The following RAB15 variants were observed in gnomAD, a reference collection of about 807,000 sequenced individuals.
RAB15 encodes ras-related protein Rab-15.
In RAB15, 13 loss-of-function variants were observed where a neutral mutation model predicts 31.8. The ratio of observed to expected loss-of-function variants is 0.41; its 90% confidence interval spans 0.27 to 0.65. RAB15 has a LOEUF of 0.65. Ranked by LOEUF, RAB15 falls within the 30% of genes least tolerant of loss-of-function variation. RAB15 has a pLI of 0.32. For synonymous variants in RAB15, 100 were observed against 105.6 expected (o/e 0.95, Z 0.33); for missense variants, 220 against 277.3 (o/e 0.79, Z 1.47).
chr14:64,947,132 C>T lies in RAB15; in HGVS notation c.*1222G>A, dbSNP rs1308319004. 4 of 152,590 alleles carry T rather than the reference C, an allele frequency of 2.6e-5. No homozygotes were observed. Among genetic ancestry groups the T allele is most frequent in the Non-Finnish European group, 5.9e-5 (4 of 68,056 alleles). 9.5% of individuals were successfully genotyped at this position (152,590 alleles called of 1,614,324 possible). A position where few individuals can be genotyped will look rare whatever the true frequency, so the allele number is the denominator to read the frequency against. Reference sequence around the variant, plus strand: ...TGCCCTTCTCCCATAAACTTTGGGTCCCAGGAGAACCTTGGTTGCTGAAGG... The same window carrying T: ...TGCCCTTCTCCCATAAACTTTGGGTTCCAGGAGAACCTTGGTTGCTGAAGG... On this transcript the variant is annotated 3_prime_UTR_variant, in exon 7 of 7. Coordinates refer to ENST00000533601, the MANE Select transcript of RAB15 (RefSeq NM_001308154.2). This position sits in a 1 kb window ranked among gnomAD's most constrained non-coding sequence, Gnocchi z 5.6.
chr14:64,960,233 G>A (rs1225114428), intron 1 of RAB15, among the ~76,000 whole-genome samples: 1 of 152,214 alleles, frequency 6.6e-6, no homozygotes, highest in Non-Finnish European at 1.5e-5. Context: ...GAGACACCCA[G>A]CACTCACGTG....
rs140347723 is a variant in RAB15, at chr14:64,954,884, G to A, written c.125-2313C>T. 9.9e-5 allele frequency among the ~76,000 whole-genome samples: 15 copies of A among 152,176 alleles called. No homozygotes were observed. The highest frequency in any genetic ancestry group is 2.1e-4 in the Non-Finnish European group (14 of 68,038). ...TAGGAGAGGAACTTCCAATATTAAGGTGAATTTTTCCCTGTGAGAGAAGAG... is the reference window on the plus strand; with the variant it reads ...TAGGAGAGGAACTTCCAATATTAAGATGAATTTTTCCCTGTGAGAGAAGAG... On this transcript the variant is annotated intron_variant, in intron 1 of 6. Coordinates refer to ENST00000533601, the MANE Select transcript of RAB15 (RefSeq NM_001308154.2). The surrounding 1 kb of genome is among the most constrained non-coding windows in gnomAD (Gnocchi z 4.3).
chr14:64,960,771 G>A (rs1213182681), intron 1 of RAB15, among the ~76,000 whole-genome samples: 1 of 152,188 alleles, frequency 6.6e-6, no homozygotes, highest in African/African-American at 2.4e-5. Flanking sequence ...TGTAGAAGGA[G>A]GCTTATGTTG....
In RAB15 at chr14:64,951,172, G is replaced by C; in HGVS notation, c.247-21C>G. The stretch of plus-strand genomic sequence containing the variant: ...ATCCCCTGAGAGAGAGAGAAATAGA[G>C]AGATGTGATATGCACAGAGAGAGTG... On this transcript the variant is annotated intron_variant, in intron 3 of 6. Transcript: ENST00000533601. This position sits in a 1 kb window ranked among gnomAD's most constrained non-coding sequence, Gnocchi z 7.2. 6.3e-7 allele frequency: 1 copy of C among 1,590,772 alleles called. No homozygotes were observed. The highest frequency in any genetic ancestry group is 8.6e-7 in the Non-Finnish European group (1 of 1,161,804).
In RAB15 at chr14:64,955,550, CA is replaced by C. The variant is rs1449538123; in HGVS notation, c.125-2980del. On this transcript the variant is annotated intron_variant, in intron 1 of 6. Transcript: ENST00000533601. The surrounding 1 kb of genome is among the most constrained non-coding windows in gnomAD (Gnocchi z 4.4). ...AGCTGCTTAGCAAACTGTTTATTCA[CA>C]TGTGTGTTCACCTATCACTGTCCCC... 6.6e-6 allele frequency among the ~76,000 whole-genome samples: 1 copy of C among 152,208 alleles called. No homozygotes were observed. Among genetic ancestry groups the C allele is most frequent in the Non-Finnish European group, 1.5e-5 (1 of 68,046 alleles).
At position 64,951,274 on chromosome 14, in the gene RAB15, GA is replaced by G; in HGVS notation, c.247-124del. The G allele has an allele frequency of 1.3e-6, 1 of 790,456 alleles. No individual in the cohort carries two copies. Among genetic ancestry groups the G allele is most frequent in the East Asian group, 2.6e-5 (1 of 39,090 alleles). 49.0% of individuals were successfully genotyped at this position (790,456 alleles called of 1,614,324 possible). On this transcript the variant is annotated intron_variant, in intron 3 of 6. Coordinates refer to ENST00000533601, the MANE Select transcript of RAB15 (RefSeq NM_001308154.2). This position sits in a 1 kb window ranked among gnomAD's most constrained non-coding sequence, Gnocchi z 7.2. The stretch of plus-strand genomic sequence containing the variant: ...TCCCATTCTCCCTGCTCAGCATCCA[GA>G]AATATCTCTTCTCTCAGACCCCACC...
In RAB15 at chr14:64,954,479, G is replaced by T. The variant is rs951384269; in HGVS notation, c.125-1908C>A. ...ACACTAGCCTAGCAAACCTGGCCAA[G>T]GACAGTGCCTTGTGCAAAGCCATCA... On this transcript the variant is annotated intron_variant, in intron 1 of 6. Coordinates refer to ENST00000533601, the MANE Select transcript of RAB15 (RefSeq NM_001308154.2). This position sits in a 1 kb window ranked among gnomAD's most constrained non-coding sequence, Gnocchi z 4.3. 2.0e-6 allele frequency: 2 copies of T among 985,348 alleles called. No individual in the cohort carries two copies. The highest frequency in any genetic ancestry group is 6.1e-5 in the Admixed American group (1 of 16,274). The allele number at this position is 985,348 out of a possible 1,614,324, so 61.0% of individuals were successfully genotyped here.
At chr14:64,957,779 G>A (rs534012594) in intron 1 of RAB15, among the ~76,000 whole-genome samples, 9 of 152,126 alleles carry the variant, frequency 5.9e-5, no homozygotes, top group African/African-American at 1.7e-4. Flanking sequence ...TGCTTCACTC[G>A]GCCAGAGGCT....
intron 1 of RAB15, among the ~76,000 whole-genome samples, chr14:64,965,862 T>C (rs761508324): frequency 3.3e-5 from 5 of 152,136 alleles, no homozygotes; most frequent in Non-Finnish European, 7.4e-5. Flanking sequence ...GTGGCACAGA[T>C]GCACAGCAGC....
chr14:64,956,923 C>T (rs1033488170), intron 1 of RAB15, among the ~76,000 whole-genome samples: 19 of 147,012 alleles, frequency 1.3e-4, no homozygotes, highest in African/African-American at 3.9e-4. Context: ...GTCTCAACTT[C>T]TCCTAGCTTC....
chr14:64,968,202 A>G lies in RAB15; in HGVS notation c.124+3751T>C, dbSNP rs1451025396. On this transcript the variant is annotated intron_variant, in intron 1 of 6. Coordinates refer to ENST00000533601, the MANE Select transcript of RAB15 (RefSeq NM_001308154.2). This position sits in a 1 kb window ranked among gnomAD's most constrained non-coding sequence, Gnocchi z 4.9. ...TGGGAGACAGAGAGAGAAACAGAAG[A>G]ATCTTCTCACTTTCCTGAAGAATCC... Among the ~76,000 whole-genome samples, 1 of 152,166 alleles carries G rather than the reference A, an allele frequency of 6.6e-6. No homozygotes were observed. The highest frequency in any genetic ancestry group is 1.9e-4 in the East Asian group (1 of 5,200).
Position 64,948,503 on chromosome 14 carries a change from G to T in RAB15, c.490C>A (p.Arg164Ser). The T allele has an allele frequency of 6.2e-7, 1 of 1,607,038 alleles. No homozygotes were observed. Among genetic ancestry groups the T allele is most frequent in the South Asian group, 1.1e-5 (1 of 89,928 alleles). Residue 164 changes from arginine (R) to serine (S), a missense_variant, in exon 7 of 7, where the codon CGT becomes AGT. Physicochemically the swap from Arg to Ser is moderately radical, Grantham distance 110. Coordinates refer to ENST00000533601, the MANE Select transcript of RAB15 (RefSeq NM_001308154.2). This position sits in a 1 kb window ranked among gnomAD's most constrained non-coding sequence, Gnocchi z 7.0. ...TNLNIKESFT[R>S]LTELVLQAHR... Reference sequence around the variant, plus strand: ...GCCTGCAGCACCAGCTCTGTCAGACGCGTGAATGACTGGAAACCAAAGGGC... The same window carrying T: ...GCCTGCAGCACCAGCTCTGTCAGACTCGTGAATGACTGGAAACCAAAGGGC...
At chr14:64,967,090 CCAG>C (rs1236630414) in intron 1 of RAB15, among the ~76,000 whole-genome samples, 6 of 151,730 alleles carry the variant, frequency 4.0e-5, no homozygotes, top group Non-Finnish European at 7.4e-5. Context: ...CAAGCCAGTC[CCAG>C]CAGAACTCCT....
Position 64,972,048 on chromosome 14 carries a change from C to A in RAB15, c.29G>T (p.Arg10Leu), listed in dbSNP as rs867382047. The A allele has an allele frequency of 6.2e-7, 1 of 1,610,836 alleles. No homozygotes were observed. The highest frequency in any genetic ancestry group is 8.5e-7 in the Non-Finnish European group (1 of 1,178,872). MAKQYDVLFRLLLIGDSGVG... is the reference protein window; with the variant it reads MAKQYDVLFLLLLIGDSGVG... ...CCCGGAGTCCCCGATCAGCAGCAGC[C>A]GGAACAGCACATCGTACTGCTTCGC... Residue 10 changes from arginine to leucine, a missense_variant, in exon 1 of 7, where the codon CGG becomes CTG. Arg to Leu is a moderately radical substitution (Grantham distance 102, BLOSUM62 -2). Transcript: ENST00000533601. This position sits in a 1 kb window ranked among gnomAD's most constrained non-coding sequence, Gnocchi z 6.3.
intron 1 of RAB15, among the ~76,000 whole-genome samples, chr14:64,961,925 A>C (rs1415228548): frequency 6.6e-6 from 1 of 151,170 alleles, no homozygotes; most frequent in Non-Finnish European, 1.5e-5. Flanking sequence ...AAAAAAAAAA[A>C]AAAAACAGGC....
rs1871886091 is a variant in RAB15, at chr14:64,954,488, C to T, written c.125-1917G>A. The T allele has an allele frequency of 1.0e-6, 1 of 985,336 alleles. No individual in the cohort carries two copies. The highest frequency in any genetic ancestry group is 1.2e-6 in the Non-Finnish European group (1 of 829,944). 61.0% of individuals were successfully genotyped at this position (985,336 alleles called of 1,614,324 possible). A position where few individuals can be genotyped will look rare whatever the true frequency, so the allele number is the denominator to read the frequency against. On this transcript the variant is annotated intron_variant, in intron 1 of 6. Transcript: ENST00000533601. The surrounding 1 kb of genome is among the most constrained non-coding windows in gnomAD (Gnocchi z 4.3). Reference sequence around the variant, plus strand: ...TAGCAAACCTGGCCAAGGACAGTGCCTTGTGCAAAGCCATCACAAGGGGGA... The same window carrying T: ...TAGCAAACCTGGCCAAGGACAGTGCTTTGTGCAAAGCCATCACAAGGGGGA...
rs574937915 is a variant in RAB15, at chr14:64,953,410, G to A, written c.125-839C>T. Among the ~76,000 whole-genome samples, 43 of 152,332 alleles carry A rather than the reference G, an allele frequency of 2.8e-4. No homozygotes were observed. The highest frequency in any genetic ancestry group is 5.9e-4 in the Non-Finnish European group (40 of 68,042). The stretch of plus-strand genomic sequence containing the variant: ...TGCAGCTGTCATGAGCTAGTGCAGG[G>A]CCGGGTACATGCGGGTGCTTATGAG... On this transcript the variant is annotated intron_variant, in intron 1 of 6. Transcript: ENST00000533601. The surrounding 1 kb of genome is among the most constrained non-coding windows in gnomAD (Gnocchi z 4.6).
rs1387666314 is a variant in RAB15, at chr14:64,951,918, T to C, written c.186-255A>G. 1.3e-5 allele frequency among the ~76,000 whole-genome samples: 2 copies of C among 152,166 alleles called. No homozygotes were observed. Among genetic ancestry groups the C allele is most frequent in the Non-Finnish European group, 2.9e-5 (2 of 67,998 alleles). ...CAGAAGCCACAGCCAGAACAGGCCT[T>C]GGACAGCTCTCTGGAATCTGGCCAC... On this transcript the variant is annotated intron_variant, in intron 2 of 6. Coordinates refer to ENST00000533601, the MANE Select transcript of RAB15 (RefSeq NM_001308154.2). This position sits in a 1 kb window ranked among gnomAD's most constrained non-coding sequence, Gnocchi z 7.2.
Position 64,948,009 on chromosome 14 carries a change from G to C in RAB15, c.*345C>G. ...AAAGCAGAGAAGAGACACGATGCAC[G>C]GAGAAAGGAGCAGCTGAAAGTGGCC... On this transcript the variant is annotated 3_prime_UTR_variant, in exon 7 of 7. Coordinates refer to ENST00000533601, the MANE Select transcript of RAB15 (RefSeq NM_001308154.2). The surrounding 1 kb of genome is among the most constrained non-coding windows in gnomAD (Gnocchi z 7.0). 1 of 258,728 alleles carries C rather than the reference G, an allele frequency of 3.9e-6. No individual in the cohort carries two copies. The allele number at this position is 258,728 out of a possible 1,614,324, so 16.0% of individuals were successfully genotyped here.
Sources: allele counts gnomAD v4.1 joint callset (sites outside exome capture counted in the v4.1 genomes callset), GRCh38; gene constraint gnomAD v4.1.1; non-coding constraint Gnocchi (gnomAD v3.1); transcripts MANE v1.5; gene names NCBI Gene and HGNC (gene_info 2026-07-23, HGNC 2026-07-21).